The following SPDYE3 variants were observed in gnomAD, a reference collection of about 807,000 sequenced individuals.
SPDYE3 encodes the protein speedy/RINGO cell cycle regulator family member E3.
In SPDYE3, 15 loss-of-function variants were observed where a neutral mutation model predicts 55.0. The observed-to-expected ratio is 0.27, with a 90% CI of 0.18 to 0.42. The LOEUF is 0.42. SPDYE3 is among the 10% of genes least tolerant of loss of function. SPDYE3 has a pLI of 1.00. For missense variants in SPDYE3, 236 were observed against 576.7 expected, an observed-to-expected ratio of 0.41 and a Z score of 6.05; for synonymous variants, 89 against 229.9, an observed-to-expected ratio of 0.39 and a Z score of 5.55.
intron 10 of SPDYE3, chr7:100,320,508 A>G (rs1371533913): frequency 1.0e-4 from 98 of 964,768 alleles, no homozygotes; most frequent in Non-Finnish European, 1.2e-4. Context: ...GTGGTTTGTG[A>G]TGTTGTCACA....
chr7:100,319,797 G>T lies in SPDYE3; in HGVS notation c.1579G>T (p.Glu527Ter). ...MRCRAWVSPE[E>*]LEEIQAYDPE... is the part of the protein sequence containing the mutation. Reference sequence around the variant, plus strand: ...CTGCAGGGCTTGGGTTTCCCCGGAGGAGTTGGAGGAGGTGGGTGGGGCCTG... The same window carrying T: ...CTGCAGGGCTTGGGTTTCCCCGGAGTAGTTGGAGGAGGTGGGTGGGGCCTG... The change falls in exon 9 of 11, where the codon GAG (glutamate) becomes TAG (stop). Residue 527 changes from glutamate (E) to a stop codon, truncating the protein, a stop_gained. Transcript: ENST00000332397. LOFTEE classifies it high-confidence loss of function. 1 of 1,611,536 alleles carries T rather than the reference G, an allele frequency of 6.2e-7. No individual in the cohort carries two copies.
chr7:100,307,727 T>A lies in SPDYE3; in HGVS notation c.-159T>A. 2.9e-6 allele frequency: 4 copies of A among 1,394,254 alleles called. No homozygotes were observed. Among genetic ancestry groups the A allele is most frequent in the Non-Finnish European group, 3.8e-6 (4 of 1,059,946 alleles). The allele number at this position is 1,394,254 out of a possible 1,614,324, so 86.4% of individuals were successfully genotyped here. A position where few individuals can be genotyped will look rare whatever the true frequency, so the allele number is the denominator to read the frequency against. ...CTCTGTCGGCGCCTGGCAGTTCAGG[T>A]GAACAACAGTAACTTCTCAGAGCTG... On this transcript the variant is annotated 5_prime_UTR_variant, in exon 1 of 11. Coordinates refer to ENST00000332397, the MANE Select transcript of SPDYE3 (RefSeq NM_001004351.5).
Position 100,320,074 on chromosome 7 carries a change from G to A in SPDYE3, c.*45+39G>A, listed in dbSNP as rs1381156489. ...CTCCGGGGTAAAGGCAGAATATTGG[G>A]GTCTATTTCGGAAATCCAAGGAACC... On this transcript the variant is annotated intron_variant, in intron 10 of 10. Coordinates refer to ENST00000332397, the MANE Select transcript of SPDYE3 (RefSeq NM_001004351.5). 2.5e-6 allele frequency: 4 copies of A among 1,581,572 alleles called. No homozygotes were observed. In the African/African-American group the frequency reaches 4.1e-5, roughly 16 times the overall value.
chr7:100,309,707 T>A (rs1584995983), intron 2 of SPDYE3, among the ~76,000 whole-genome samples: 1 of 92,318 alleles, frequency 1.1e-5, no homozygotes, highest in African/African-American at 4.3e-5. Context: ...GGTGAGAGAG[T>A]GAGACGCTGT....
In SPDYE3 at chr7:100,321,407, A is replaced by G. The variant is rs1165157010; in HGVS notation, c.*562A>G. On this transcript the variant is annotated 3_prime_UTR_variant, in exon 11 of 11. Transcript: ENST00000332397. ...TTTCAAATAGTTTGGAAATTGTTGT[A>G]CTTTTGAAAACATGCTGTTCCTGTA... 8.2e-6 allele frequency: 2 copies of G among 243,706 alleles called. No individual in the cohort carries two copies. The highest frequency in any genetic ancestry group is 5.3e-5 in the Admixed American group (1 of 19,016). 15.1% of individuals were successfully genotyped at this position (243,706 alleles called of 1,614,324 possible).
chr7:100,319,896 G>A, intron 9 of SPDYE3, 35 bp from the exon 10 acceptor site: 2 of 1,613,250 alleles, frequency 1.2e-6, no homozygotes, highest in African/African-American at 1.3e-5. Flanking sequence ...ATCCTGGGGA[G>A]TCCCCGTCTT....
intron 7 of SPDYE3, among the ~76,000 whole-genome samples, chr7:100,316,135 TA>T (rs1246152782): frequency 2.0e-5 from 3 of 152,112 alleles, no homozygotes; most frequent in Admixed American, 6.6e-5. Context: ...CACGCCTGGC[TA>T]ATTTTTGTGT....
rs761649339 is a variant in SPDYE3, at chr7:100,315,802, A to G, written c.1219A>G (p.Arg407Gly). 3 of 1,599,706 alleles carry G rather than the reference A, an allele frequency of 1.9e-6. No homozygotes were observed. The highest frequency in any genetic ancestry group is 2.5e-6 in the Non-Finnish European group (3 of 1,179,726). The change falls in exon 7 of 11, where the codon AGA becomes GGA. Residue 407 changes from arginine (R) to glycine (G), a missense_variant. Physicochemically the swap from Arg to Gly is moderately radical, Grantham distance 125. Transcript: ENST00000332397. Reference protein sequence around the residue: ...NRLLEDPVIKRFLAWDKDLRV... With the variant: ...NRLLEDPVIKGFLAWDKDLRV... ...AATCACAGAGGATCCTGTCATTAAA[A>G]GATTCCTGGCCTGGGACAAAGATCT...
intron 6 of SPDYE3, among the ~76,000 whole-genome samples, chr7:100,315,104 C>T (rs1806067086): frequency 6.6e-6 from 1 of 151,044 alleles, no homozygotes. Context: ...GGTGACAGAG[C>T]AAAACTCTGC....
intron 1 of SPDYE3, among the ~76,000 whole-genome samples, chr7:100,308,679 A>G (rs2129954401): frequency 6.6e-6 from 1 of 151,904 alleles, no homozygotes; most frequent in East Asian, 1.9e-4. Context: ...ACTACACTCC[A>G]GCCTGGGTGA....
chr7:100,318,856 G>A lies in SPDYE3; in HGVS notation c.1347-709G>A, dbSNP rs543530758. ...CCACCTCAGCCTCTTGATTAGCTCCGACTACAGGGCTGTGCCACCACACCT... is the reference window on the plus strand; with the variant it reads ...CCACCTCAGCCTCTTGATTAGCTCCAACTACAGGGCTGTGCCACCACACCT... On this transcript the variant is annotated intron_variant, in intron 8 of 10. Transcript: ENST00000332397. Among the ~76,000 whole-genome samples, 14 of 151,360 alleles carry A rather than the reference G, an allele frequency of 9.2e-5. 1 individual carries two copies. Among genetic ancestry groups the A allele is most frequent in the Non-Finnish European group, 1.5e-4 (10 of 67,930 alleles).
In SPDYE3 at chr7:100,321,703, T is replaced by C. The variant is rs1789583536; in HGVS notation, c.*858T>C. ...TTGTGACTGAATTGTGAGAATTCAG[T>C]TGTGATTTTTAACATGTCTTAGATA... On this transcript the variant is annotated 3_prime_UTR_variant, in exon 11 of 11. Transcript: ENST00000332397. 6.6e-6 allele frequency: 1 copy of C among 151,306 alleles called. No individual in the cohort carries two copies. Among genetic ancestry groups the C allele is most frequent in the Admixed American group, 6.6e-5 (1 of 15,178 alleles). 9.4% of individuals were successfully genotyped at this position (151,306 alleles called of 1,614,324 possible).
rs1407315519 is a variant in SPDYE3, at chr7:100,307,935, G to C, written c.50G>C (p.Ser17Thr). The change falls in exon 1 of 11, where the codon AGC (serine) becomes ACC (threonine). Residue 17 changes from serine to threonine, a missense_variant. Transcript: ENST00000332397. The part of the protein sequence containing the change: ...QPQEEQSPQR[S>T]TSGYPLQEVV... ...CAGGAAGAGCAGAGCCCCCAGCGGA[G>C]CACCTCAGGGTACCCCCTCCAGGAG... 6.3e-7 allele frequency: 1 copy of C among 1,581,902 alleles called. No homozygotes were observed. The highest frequency in any genetic ancestry group is 1.3e-5 in the African/African-American group (1 of 74,564).
intron 7 of SPDYE3, among the ~76,000 whole-genome samples, chr7:100,316,206 GGTGATCCACCCGC>G (rs2129971308): frequency 6.6e-6 from 1 of 152,266 alleles, no homozygotes; most frequent in African/African-American, 2.4e-5. Flanking sequence ...CCTGACCTCA[GGTGATCCACCCGC>G]CTTGGCCTCC....
At chr7:100,319,309 G>A (rs1272722568) in intron 8 of SPDYE3, among the ~76,000 whole-genome samples, 2 of 152,170 alleles carry the variant, frequency 1.3e-5, no homozygotes, top group Non-Finnish European at 2.9e-5. Flanking sequence ...CGGCCTCCCA[G>A]TGTGCTGGGA....
intron 8 of SPDYE3, 30 bp from the exon 9 acceptor site, chr7:100,319,535 C>A: frequency 6.2e-7 from 1 of 1,613,938 alleles, no homozygotes; most frequent in Non-Finnish European, 8.5e-7. Flanking sequence ...TGGTGGTGCC[C>A]CTGAGCAGCA....
intron 2 of SPDYE3, 145 bp from the exon 3 acceptor site, chr7:100,310,215 G>A (rs1294207843): frequency 1.8e-6 from 1 of 544,056 alleles, no homozygotes; most frequent in Non-Finnish European, 3.3e-6. Context: ...ATGGGGTTGA[G>A]CAGAGGAGAA....
chr7:100,310,034 T>C (rs905257394), intron 2 of SPDYE3, among the ~76,000 whole-genome samples: 3 of 137,574 alleles, frequency 2.2e-5, no homozygotes, highest in Non-Finnish European at 4.9e-5. Flanking sequence ...AGATAGATGT[T>C]GCAGTCAGCT....
chr7:100,310,716 C>T, intron 3 of SPDYE3, 138 bp downstream of exon 3: 1 of 174,466 alleles, frequency 5.7e-6, no homozygotes, highest in Non-Finnish European at 1.1e-5. Flanking sequence ...GAAGTGATCA[C>T]TCATGAGGGA....
Sources: gnomAD v4.1 joint callset for allele counts (sites outside exome capture counted in the v4.1 genomes callset) on GRCh38, gnomAD v4.1.1 for gene constraint, MANE v1.5 for transcripts, NCBI Gene and HGNC (gene_info 2026-07-23, HGNC 2026-07-21) for gene names.